The following FBRSL1 variants were observed in gnomAD, a reference collection of about 807,000 sequenced individuals.
FBRSL1 encodes fibrosin-1-like protein.
Under a neutral mutation model 89.6 loss-of-function variants are expected in FBRSL1, and 51 were observed. The observed-to-expected ratio is 0.57, with a 90% CI of 0.45 to 0.72. The LOEUF is 0.72. FBRSL1 is among the 30% of genes least tolerant of loss of function. The pLI is 0.00. For synonymous variants in FBRSL1, 779 were observed against 681.1 expected, an observed-to-expected ratio of 1.14 and a Z score of -2.24; for missense variants, 1,618 against 1,451.8, an observed-to-expected ratio of 1.11 and a Z score of -1.86.
intron 3 of FBRSL1, among the ~76,000 whole-genome samples, 154 bp downstream of exon 3, chr12:132,525,977 A>G (rs534930303): frequency 6.6e-6 from 1 of 151,772 alleles, no homozygotes; most frequent in African/African-American, 2.4e-5. Context: ...TGCCCGCTGC[A>G]CCCTGCACAA....
intron 5 of FBRSL1, among the ~76,000 whole-genome samples, chr12:132,564,719 T>A (rs1018542841): frequency 1.1e-5 from 1 of 87,828 alleles, no homozygotes. Flanking sequence ...ATGGTCTCGA[T>A]CTCCTGACCT....
intron 5 of FBRSL1, among the ~76,000 whole-genome samples, chr12:132,562,752 C>G (rs2039242001): frequency 6.6e-6 from 1 of 152,114 alleles, no homozygotes. Context: ...GTGGGTGTGG[C>G]AGGCCCGCCT....
chr12:132,557,801 C>T (rs1249702113), intron 5 of FBRSL1, among the ~76,000 whole-genome samples: 1 of 152,254 alleles, frequency 6.6e-6, no homozygotes, highest in Non-Finnish European at 1.5e-5. Context: ...GTGGGCACAG[C>T]TTGGCGGGAC....
At chr12:132,532,756 A>G (rs2036396065) in intron 4 of FBRSL1, among the ~76,000 whole-genome samples, 1 of 152,200 alleles carries the variant, frequency 6.6e-6, no homozygotes. Context: ...CGAAGCAGGC[A>G]TAGGTTTGAA....
At chr12:132,501,471 C>T (rs1201859085) in intron 1 of FBRSL1, among the ~76,000 whole-genome samples, 1 of 152,112 alleles carries the variant, frequency 6.6e-6, no homozygotes, top group Non-Finnish European at 1.5e-5. Context: ...GAGGGGCTCC[C>T]AGGGCCAGGA....
chr12:132,510,122 A>G lies in FBRSL1; in HGVS notation c.489+1772A>G, dbSNP rs35779197. On this transcript the variant is annotated intron_variant, in intron 2 of 18. Coordinates refer to ENST00000680143, the MANE Select transcript of FBRSL1 (RefSeq NM_001367871.1). Reference sequence around the variant, plus strand: ...TCATGGGCCCGGAGCAGCCCTGCCCACCCAAGCGGCCGCTCATGGGCCCAG... The same window carrying G: ...TCATGGGCCCGGAGCAGCCCTGCCCGCCCAAGCGGCCGCTCATGGGCCCAG... 2.8e-4 allele frequency: 344 copies of G among 1,227,848 alleles called. 1 individual carries two copies. The African/African-American group carries it at 4.8e-3, about 17-fold the overall frequency. 76.1% of individuals were successfully genotyped at this position (1,227,848 alleles called of 1,614,324 possible).
At chr12:132,563,280 T>A (rs191775863) in intron 5 of FBRSL1, among the ~76,000 whole-genome samples, 1 of 66,646 alleles carries the variant, frequency 1.5e-5, no homozygotes, top group Non-Finnish European at 2.9e-5. Flanking sequence ...CTGCATCCCA[T>A]GTCTGGCCCC....
In FBRSL1 at chr12:132,496,350, G is replaced by C. The variant is rs111477625; in HGVS notation, c.291+5489G>C. ...AGAAGTGCCCAGAACTGGCCCTGCT[G>C]TCTGTGGCTGGCAGTTTTAAGGCTC... is the stretch of plus-strand genomic sequence containing the variant. On this transcript the variant is annotated intron_variant, in intron 1 of 18. Coordinates refer to ENST00000680143, the MANE Select transcript of FBRSL1 (RefSeq NM_001367871.1). 9.3e-3 allele frequency among the ~76,000 whole-genome samples: 1,414 copies of C among 152,352 alleles called. 24 individuals are homozygous for C. Among genetic ancestry groups the C allele is most frequent in the African/African-American group, 0.032 (1,341 of 41,580 alleles).
intron 9 of FBRSL1, 101 bp downstream of exon 9, chr12:132,571,332 G>A: frequency 6.5e-7 from 1 of 1,549,438 alleles, no homozygotes. Context: ...GGCAAGAGCT[G>A]AACACGCGGT....
intron 6 of FBRSL1, 124 bp downstream of exon 6, chr12:132,567,650 CT>C: frequency 1.0e-6 from 1 of 995,750 alleles, no homozygotes; most frequent in Non-Finnish European, 1.5e-6. Context: ...GGGTGCAGAG[CT>C]GGGTGGGACC....
intron 2 of FBRSL1, among the ~76,000 whole-genome samples, chr12:132,518,262 C>T (rs1289434573): frequency 6.6e-6 from 1 of 150,506 alleles, no homozygotes; most frequent in African/African-American, 2.4e-5. Context: ...GTCTGTCCAT[C>T]CATCCACCCA....
intron 10 of FBRSL1, 84 bp from the exon 11 acceptor site, chr12:132,572,443 T>G: frequency 1.3e-6 from 2 of 1,501,150 alleles, no homozygotes; most frequent in Non-Finnish European, 1.8e-6. Context: ...TCGCCCCTGC[T>G]GCATTGGTGC....
chr12:132,533,892 C>A (rs1258072888), intron 4 of FBRSL1, among the ~76,000 whole-genome samples: 2 of 152,330 alleles, frequency 1.3e-5, no homozygotes, highest in Non-Finnish European at 2.9e-5. Context: ...GGGGTCAGGG[C>A]AGCATCTCAG....
At chr12:132,524,765 C>T (rs945588656) in intron 2 of FBRSL1, among the ~76,000 whole-genome samples, 3 of 152,158 alleles carry the variant, frequency 2.0e-5, no homozygotes, top group South Asian at 4.1e-4. Context: ...TGTGCAGGGG[C>T]GTCCCTGCTG....
intron 11 of FBRSL1, among the ~76,000 whole-genome samples, chr12:132,573,164 C>T (rs966589246): frequency 2.6e-5 from 4 of 152,212 alleles, no homozygotes; most frequent in Non-Finnish European, 4.4e-5. Flanking sequence ...ACCCCACCCT[C>T]TGCGGAGGGG....
At chr12:132,547,170 G>C (rs1415502588) in intron 4 of FBRSL1, among the ~76,000 whole-genome samples, 1 of 152,038 alleles carries the variant, frequency 6.6e-6, no homozygotes, top group African/African-American at 2.4e-5. Flanking sequence ...CAGTCAGTGT[G>C]TTCTTCGTAG....
chr12:132,569,890 C>T (rs1426566887), intron 6 of FBRSL1, 36 bp from the exon 7 acceptor site: 4 of 1,341,582 alleles, frequency 3.0e-6, no homozygotes, highest in Non-Finnish European at 1.9e-6. Context: ...GGGACGAGGC[C>T]CTGCTGGTCT....
In FBRSL1 at chr12:132,546,207, TC is replaced by T. The variant is rs2037671649; in HGVS notation, c.616-1794del. Among the ~76,000 whole-genome samples, 1 of 152,212 alleles carries T rather than the reference TC, an allele frequency of 6.6e-6. No homozygotes were observed. Among genetic ancestry groups the T allele is most frequent in the African/African-American group, 2.4e-5 (1 of 41,454 alleles). On this transcript the variant is annotated intron_variant, in intron 4 of 18. Coordinates refer to ENST00000680143, the MANE Select transcript of FBRSL1 (RefSeq NM_001367871.1). This position sits in a 1 kb window ranked among gnomAD's most constrained non-coding sequence, Gnocchi z 4.0. The stretch of plus-strand genomic sequence containing the variant: ...GCCTGGGCAGTTCCATTTCATACTT[TC>T]CTCACCAAACACCAAGGCCCGCCCA...
At chr12:132,562,569 C>CTACCCCTGCCGGCCCTCAGCAGGTGGACA (rs531628702) in intron 5 of FBRSL1, among the ~76,000 whole-genome samples, 1 of 149,474 alleles carries the variant, frequency 6.7e-6, no homozygotes, top group Non-Finnish European at 1.5e-5. Flanking sequence ...TGCAGGACCC[C>CTACCCCTGCCGGCCCTCAGCAGGTGGACA]GACCCCGGGG....
Sources: allele counts gnomAD v4.1 joint callset (sites outside exome capture counted in the v4.1 genomes callset), GRCh38; gene constraint gnomAD v4.1.1; non-coding constraint Gnocchi (gnomAD v3.1); transcripts MANE v1.5; gene names NCBI Gene and HGNC (gene_info 2026-07-23, HGNC 2026-07-21).